RPS6KA5: variants seen among roughly 807,000 people sequenced by gnomAD.
RPS6KA5 encodes ribosomal protein S6 kinase A5, also known as ribosomal protein S6 kinase alpha-5.
A neutral mutation model predicts 85.5 loss-of-function variants in RPS6KA5; 27 were observed. That is an observed-to-expected ratio of 0.32 (90% CI 0.23 to 0.44). The LOEUF is 0.44. RPS6KA5 is among the 20% of genes least tolerant of loss of function. The pLI is 1.00. For synonymous variants in RPS6KA5, 334 were observed against 348.2 expected (o/e 0.96, Z 0.46); for missense variants, 811 against 980.9 (o/e 0.83, Z 2.31).
At chr14:90,898,586 T>C (rs1284091114) in intron 12 of RPS6KA5, among the ~76,000 whole-genome samples, 3 of 152,244 alleles carry the variant, frequency 2.0e-5, no homozygotes, top group Admixed American at 6.5e-5. Flanking sequence ...AGTTTCTTTA[T>C]TGGTAAAATT....
At chr14:91,016,044 TAGAGC>T in intron 1 of RPS6KA5, among the ~76,000 whole-genome samples, 1 of 152,326 alleles carries the variant, frequency 6.6e-6, no homozygotes, top group South Asian at 2.1e-4. Flanking sequence ...ACTAGAGAGC[TAGAGC>T]AGTGTGCAGC....
At chr14:90,983,337 A>C (rs575144272) in intron 2 of RPS6KA5, among the ~76,000 whole-genome samples, 33 of 151,884 alleles carry the variant, frequency 2.2e-4, no homozygotes, top group Non-Finnish European at 3.5e-4. Flanking sequence ...ACAGTGGCTC[A>C]TGTTAAAATC....
intron 5 of RPS6KA5, among the ~76,000 whole-genome samples, chr14:90,937,406 G>C (rs892740705): frequency 6.6e-6 from 1 of 152,092 alleles, no homozygotes; most frequent in Non-Finnish European, 1.5e-5. Flanking sequence ...GGTATTCTGA[G>C]ATTTTTTTTC....
At chr14:91,042,778 A>AG (rs61611983) in intron 1 of RPS6KA5, among the ~76,000 whole-genome samples, 111,871 of 151,570 alleles carry the variant, frequency 0.74, 41,377 homozygotes, top group East Asian at 0.87. Flanking sequence ...CCCCCTTCTC[A>AG]GGACCATGAC....
Position 91,060,362 on chromosome 14 carries a change from G to C in RPS6KA5, c.73C>G (p.Leu25Val), listed in dbSNP as rs770267401. The C allele has an allele frequency of 6.7e-7, 1 of 1,495,996 alleles. No individual in the cohort carries two copies. Among genetic ancestry groups the C allele is most frequent in the Non-Finnish European group, 9.0e-7 (1 of 1,116,552 alleles). The allele number at this position is 1,495,996 out of a possible 1,614,324, so 92.7% of individuals were successfully genotyped here. A position where few individuals can be genotyped will look rare whatever the true frequency, so the allele number is the denominator to read the frequency against. The change falls in exon 1 of 17, where the codon CTC becomes GTC. Residue 25 changes from leucine to valine, a missense_variant. Transcript: ENST00000614987. ...SADGGDGGEQLLTVKHELRTA... is the reference protein window; with the variant it reads ...SADGGDGGEQVLTVKHELRTA... ...CGCAGCTCGTGCTTGACAGTGAGGA[G>C]CTGCTCTCCTCCGTCGCCGCCGTCC...
chr14:91,052,435 C>T (rs2043125612), intron 1 of RPS6KA5: 1 of 298,574 alleles, frequency 3.3e-6, no homozygotes, highest in Non-Finnish European at 6.5e-6. Flanking sequence ...CACCACACTC[C>T]AGCCTGGGCA....
chr14:90,902,133 G>A (rs892521832), intron 9 of RPS6KA5, among the ~76,000 whole-genome samples: 1 of 151,770 alleles, frequency 6.6e-6, no homozygotes, highest in African/African-American at 2.4e-5. Flanking sequence ...AGTGAGCTAT[G>A]ATCATGCCAC....
At chr14:90,942,936 A>G in intron 5 of RPS6KA5, 142 bp downstream of exon 5, 1 of 635,826 alleles carries the variant, frequency 1.6e-6, no homozygotes, top group Admixed American at 3.2e-5. Flanking sequence ...TTAAACTAAA[A>G]ATCTCTACAT....
chr14:90,914,086 T>G (rs1181644335), intron 7 of RPS6KA5, among the ~76,000 whole-genome samples: 1 of 152,018 alleles, frequency 6.6e-6, no homozygotes, highest in Non-Finnish European at 1.5e-5. Flanking sequence ...CCCTTTCCAG[T>G]ATGTATGAGG....
At chr14:90,898,038 AC>A (rs2034937998) in intron 12 of RPS6KA5, among the ~76,000 whole-genome samples, 1 of 152,160 alleles carries the variant, frequency 6.6e-6, no homozygotes, top group Non-Finnish European at 1.5e-5. Flanking sequence ...GACTACAAGA[AC>A]CAAAGAGTGA....
At chr14:91,020,329 AAAT>A (rs1278066860) in intron 1 of RPS6KA5, among the ~76,000 whole-genome samples, 2 of 152,196 alleles carry the variant, frequency 1.3e-5, no homozygotes, top group Non-Finnish European at 2.9e-5. Flanking sequence ...CAACAATAAG[AAAT>A]AATACAGTAT....
intron 12 of RPS6KA5, among the ~76,000 whole-genome samples, chr14:90,895,235 A>C (rs907018947): frequency 3.9e-5 from 6 of 152,058 alleles, no homozygotes; most frequent in Non-Finnish European, 7.4e-5. Context: ...GGCTGGGCTC[A>C]GTGGCTCACA....
At chr14:90,933,601 A>C (rs2037104338) in intron 5 of RPS6KA5, among the ~76,000 whole-genome samples, 1 of 152,182 alleles carries the variant, frequency 6.6e-6, no homozygotes, top group Non-Finnish European at 1.5e-5. Context: ...ATGTTTCCAC[A>C]CTTGTCCCAC....
intron 2 of RPS6KA5, among the ~76,000 whole-genome samples, chr14:90,990,890 G>A (rs2040278564): frequency 6.6e-6 from 1 of 152,148 alleles, no homozygotes; most frequent in South Asian, 2.1e-4. Flanking sequence ...GAGAGGGTAG[G>A]AGAAGGGTGA....
chr14:91,026,735 C>T (rs1462430231), intron 1 of RPS6KA5, among the ~76,000 whole-genome samples: 1 of 152,196 alleles, frequency 6.6e-6, no homozygotes, highest in Non-Finnish European at 1.5e-5. Flanking sequence ...AACTAATTTA[C>T]ATTCTCATCA....
intron 7 of RPS6KA5, among the ~76,000 whole-genome samples, chr14:90,907,629 T>C (rs1352425540): frequency 2.6e-5 from 4 of 152,150 alleles, no homozygotes; most frequent in Non-Finnish European, 5.9e-5. Context: ...TCCAGCAGTG[T>C]TGTTAATCTC....
At chr14:90,953,580 C>T (rs1595319029) in intron 3 of RPS6KA5, among the ~76,000 whole-genome samples, 1 of 152,218 alleles carries the variant, frequency 6.6e-6, no homozygotes, top group African/African-American at 2.4e-5. Flanking sequence ...TTGCAGAGAG[C>T]CTACAAACGG....
intron 1 of RPS6KA5, among the ~76,000 whole-genome samples, chr14:91,052,008 G>A (rs368832621): frequency 3.3e-5 from 5 of 152,034 alleles, no homozygotes; most frequent in Admixed American, 6.6e-5. Flanking sequence ...TTTAATGCTC[G>A]TAAATACTTT....
intron 3 of RPS6KA5, among the ~76,000 whole-genome samples, chr14:90,955,444 G>A (rs911908789): frequency 1.3e-5 from 2 of 151,576 alleles, no homozygotes; most frequent in African/African-American, 2.4e-5. Flanking sequence ...GTGGAGACGG[G>A]GTCTCACACT....
Sources: allele counts gnomAD v4.1 joint callset (sites outside exome capture counted in the v4.1 genomes callset), GRCh38; gene constraint gnomAD v4.1.1; transcripts MANE v1.5; gene names NCBI Gene and HGNC (gene_info 2026-07-23, HGNC 2026-07-21).